TC2N: variants seen among roughly 807,000 people sequenced by gnomAD.
TC2N encodes the protein tandem C2 domains nuclear protein.
In TC2N, 51 loss-of-function variants were observed where a neutral mutation model predicts 61.9. The observed-to-expected ratio is 0.82, with a 90% CI of 0.66 to 1.04. The LOEUF (loss-of-function observed/expected upper bound fraction) is 1.04, where lower values mean the gene tolerates loss of function less well. Ranked by LOEUF, TC2N falls within the 50% of genes least tolerant of loss-of-function variation. The probability of loss-of-function intolerance (pLI) is 0.00; values close to 1 mark genes in which losing one functional copy is unlikely to be tolerated. For missense variants in TC2N, 556 were observed against 566.7 expected (o/e 0.98, Z 0.19); for synonymous variants, 204 against 192.6 (o/e 1.06, Z -0.49).
intron 9 of TC2N, among the ~76,000 whole-genome samples, chr14:91,791,329 T>G (rs116711153): frequency 1.1e-4 from 17 of 152,168 alleles, no homozygotes; most frequent in African/African-American, 3.9e-4. Flanking sequence ...ATGATTCTAA[T>G]GTATACCCAG....
intron 9 of TC2N, among the ~76,000 whole-genome samples, chr14:91,791,176 A>G (rs1171542459): frequency 6.0e-5 from 4 of 66,854 alleles, no homozygotes; most frequent in South Asian, 8.7e-4. Flanking sequence ...GGGAAGGGAA[A>G]GGAGGGGAGG....
At position 91,848,098 on chromosome 14, in the gene TC2N, A is replaced by T. The variant is rs77723050; in HGVS notation, c.-57+19164T>A. Among the ~76,000 whole-genome samples the T allele has an allele frequency of 3.8e-3, 577 of 152,358 alleles. 4 individuals are homozygous for T. The highest frequency in any genetic ancestry group is 0.014 in the African/African-American group (564 of 41,590). On this transcript the variant is annotated intron_variant, in intron 1 of 11. Transcript: ENST00000435962. ...ACCTCTTATCCCTTTGGCCAGAATT[A>T]GGTCACATGCTTATTTTTGAACCAA...
intron 1 of TC2N, among the ~76,000 whole-genome samples, chr14:91,832,978 T>C (rs989669804): frequency 6.6e-6 from 1 of 152,134 alleles, no homozygotes; most frequent in African/African-American, 2.4e-5. Context: ...AGGATTCACA[T>C]AGTAGAATAT....
chr14:91,829,561 T>A (rs1236728125), intron 1 of TC2N, among the ~76,000 whole-genome samples: 1 of 152,140 alleles, frequency 6.6e-6, no homozygotes, highest in Non-Finnish European at 1.5e-5. Context: ...CTCTGTCACT[T>A]TTTAGACTCC....
At chr14:91,809,898 G>A (rs968278024) in intron 3 of TC2N, among the ~76,000 whole-genome samples, 1 of 152,294 alleles carries the variant, frequency 6.6e-6, no homozygotes, top group Admixed American at 6.5e-5. Flanking sequence ...TTGTCTGGTA[G>A]GAGGGAGGAA....
chr14:91,783,556 AT>A (rs2139816878), intron 11 of TC2N, among the ~76,000 whole-genome samples: 1 of 152,160 alleles, frequency 6.6e-6, no homozygotes, highest in South Asian at 2.1e-4. Flanking sequence ...ACTCAAAAAT[AT>A]TTTTGTAAGG....
At chr14:91,819,040 C>A (rs77195763) in intron 1 of TC2N, among the ~76,000 whole-genome samples, 1,639 of 152,116 alleles carry the variant, frequency 0.011, 31 homozygotes, top group African/African-American at 0.035. Context: ...ACACTAAGGT[C>A]AGGAAACATG....
chr14:91,803,345 G>T (rs1326495204), intron 3 of TC2N, among the ~76,000 whole-genome samples: 1 of 149,898 alleles, frequency 6.7e-6, no homozygotes, highest in African/African-American at 2.5e-5. Flanking sequence ...TTCTTAAATG[G>T]AACATAAAGA....
chr14:91,804,211 G>A (rs1319966978), intron 3 of TC2N, among the ~76,000 whole-genome samples: 1 of 152,162 alleles, frequency 6.6e-6, no homozygotes, highest in Non-Finnish European at 1.5e-5. Flanking sequence ...AGAAAGTAGA[G>A]GAATGTAAAC....
chr14:91,811,838 T>C (rs995705883), intron 3 of TC2N, among the ~76,000 whole-genome samples: 3 of 152,026 alleles, frequency 2.0e-5, no homozygotes, highest in Admixed American at 6.6e-5. Context: ...TATTTGCACA[T>C]AACCTATGCA....
At chr14:91,851,804 A>C (rs898940956) in intron 1 of TC2N, among the ~76,000 whole-genome samples, 1 of 152,256 alleles carries the variant, frequency 6.6e-6, no homozygotes, top group Non-Finnish European at 1.5e-5. Flanking sequence ...TTTATCCTGG[A>C]TCATCATGAA....
intron 8 of TC2N, among the ~76,000 whole-genome samples, chr14:91,796,846 T>A (rs539184853): frequency 3.2e-4 from 49 of 152,252 alleles, no homozygotes; most frequent in African/African-American, 1.1e-3. Flanking sequence ...AGTACTGTTA[T>A]GGTAGCCCTA....
intron 1 of TC2N, among the ~76,000 whole-genome samples, chr14:91,853,095 C>T (rs754946796): frequency 9.9e-5 from 15 of 152,012 alleles, no homozygotes; most frequent in African/African-American, 2.2e-4. Context: ...AAACAAACAA[C>T]GACAACAAAA....
intron 8 of TC2N, among the ~76,000 whole-genome samples, chr14:91,793,753 CCCTGTTT>C: frequency 6.6e-6 from 1 of 152,230 alleles, no homozygotes; most frequent in East Asian, 1.9e-4. Context: ...CCTCAGGCCT[CCCTGTTT>C]CCTAAGACAC....
chr14:91,852,481 C>G (rs1427947408), intron 1 of TC2N, among the ~76,000 whole-genome samples: 1 of 151,958 alleles, frequency 6.6e-6, no homozygotes, highest in Non-Finnish European at 1.5e-5. Flanking sequence ...AATCGGGAAA[C>G]CTGCCTTTGA....
chr14:91,787,593 A>G lies in TC2N; in HGVS notation c.1082T>C (p.Phe361Ser), dbSNP rs1262594210. 5.6e-6 allele frequency: 9 copies of G among 1,612,294 alleles called. No homozygotes were observed. The highest frequency in any genetic ancestry group is 3.3e-5 in the Admixed American group (2 of 59,742). ...CHAELELGTC[F>S]QAVNSRIQLQ... ...CTGAATTCTGCTATTTACTGCTTGA[A>G]AACAAGTCCCCAATTCAAGTTCTGC... The change falls in exon 10 of 12, where the codon TTT (phenylalanine) becomes TCT (serine). Residue 361 changes from phenylalanine to serine, a missense_variant. Coordinates refer to ENST00000435962, the MANE Select transcript of TC2N (RefSeq NM_001128596.3).
At position 91,785,196 on chromosome 14, in the gene TC2N, C is replaced by T. The variant is rs117153533; in HGVS notation, c.1328G>A (p.Arg443Gln). 109 of 1,613,460 alleles carry T rather than the reference C, an allele frequency of 6.8e-5. No homozygotes were observed. The East Asian group carries it at 1.2e-3, about 18-fold the overall frequency. ...EIVFLIKLYS[R>Q]SSVRRKHFVG... ...AAAGTGTTTTCTTCTTACAGAGCTT[C>T]GACTGTAAAGCTTAATGAGAAAAAC... The change falls in exon 11 of 12, where the codon CGA becomes CAA. Residue 443 changes from arginine to glutamine, a missense_variant. Physicochemically the swap from Arg to Gln is conservative, Grantham distance 43. Coordinates refer to ENST00000435962, the MANE Select transcript of TC2N (RefSeq NM_001128596.3).
intron 1 of TC2N, among the ~76,000 whole-genome samples, chr14:91,844,915 CTG>C (rs1312344629): frequency 6.6e-6 from 1 of 152,178 alleles, no homozygotes; most frequent in East Asian, 1.9e-4. Flanking sequence ...GTGCCAAACA[CTG>C]TGTTAATGGT....
intron 1 of TC2N, among the ~76,000 whole-genome samples, chr14:91,823,711 G>C (rs898201926): frequency 6.6e-6 from 1 of 151,956 alleles, no homozygotes; most frequent in African/African-American, 2.4e-5. Flanking sequence ...CAGGTTAACA[G>C]ACTATGTGCT....
Sources: gnomAD v4.1 joint callset for allele counts (sites outside exome capture counted in the v4.1 genomes callset) on GRCh38, gnomAD v4.1.1 for gene constraint, MANE v1.5 for transcripts, NCBI Gene and HGNC (gene_info 2026-07-23, HGNC 2026-07-21) for gene names.